The following GPX1 variants were observed in gnomAD, a reference collection of about 807,000 sequenced individuals.
GPX1 encodes GSHPx-1.
In GPX1, 8 loss-of-function variants were observed where a neutral mutation model predicts 11.5. That is an observed-to-expected ratio of 0.70 (90% CI 0.41 to 1.25). The LOEUF (loss-of-function observed/expected upper bound fraction) is 1.25, where lower values mean the gene tolerates loss of function less well. Ranked by LOEUF, GPX1 falls within the 50% of genes most tolerant of loss-of-function variation. GPX1 has a pLI of 0.01. For synonymous variants in GPX1, 142 were observed against 127.8 expected (o/e 1.11, Z -0.75); for missense variants, 266 against 284.3 (o/e 0.94, Z 0.46).
At position 49,358,252 on chromosome 3, in the gene GPX1, C is replaced by T. The variant is rs1559490267; in HGVS notation, c.27G>A (p.Ala9=). 3 of 1,541,402 alleles carry T rather than the reference C, an allele frequency of 1.9e-6. No individual in the cohort carries two copies. The highest frequency in any genetic ancestry group is 2.6e-6 in the Non-Finnish European group (3 of 1,143,250). Residue 9 remains alanine (A), a synonymous_variant, in exon 1 of 2, where the codon GCG becomes GCA. Transcript: ENST00000419783. ...CATACACCGACTGGGCCGCCGCCGCCGCCGCCGCTAGCCGAGCAGCACACA... is the reference window on the plus strand; with the variant it reads ...CATACACCGACTGGGCCGCCGCCGCTGCCGCCGCTAGCCGAGCAGCACACA... The part of the protein sequence containing the change: MCAARLAA[A]AAAAQSVYAF...
rs2047868839 is a variant in GPX1, at chr3:49,357,773, CCCG to C, written c.253-29_253-27del. ...CTACAGGAGAGAAGGGCAGCTAGAA[CCCG>C]GGGTCAAGAGGAGGAGAGAAACGTT... On this transcript the variant is annotated intron_variant, in intron 1 of 1. Coordinates refer to ENST00000419783, the MANE Select transcript of GPX1 (RefSeq NM_000581.4). 4.4e-6 allele frequency: 7 copies of C among 1,586,376 alleles called. No homozygotes were observed. In the Admixed American group the frequency reaches 1.2e-4, roughly 28 times the overall value.
chr3:49,357,970 C>CACCCACCAGCACACCGCCG, intron 1 of GPX1, 57 bp downstream of exon 1: 1 of 1,542,798 alleles, frequency 6.5e-7, no homozygotes, highest in Non-Finnish European at 8.7e-7. Context: ...ACACCGCCGG[C>CACCCACCAGCACACCGCCG]GCCCCCAGCC....
rs1413628671 is a variant in GPX1 at position 49,357,526 on chromosome 3, G to T, written c.474C>A (p.Asn158Lys). ...KLITWSPVCR[N>K]DVAWNFEKFL... ...ACTTCTCAAAGTTCCAGGCAACATC[G>T]TTGCGACACACCGGAGACCAGGTGA... is the stretch of plus-strand genomic sequence containing the variant. Residue 158 changes from asparagine (N) to lysine (K), a missense_variant, in exon 2 of 2, where the codon AAC becomes AAA. Transcript: ENST00000419783. 1 of 1,613,578 alleles carries T rather than the reference G, an allele frequency of 6.2e-7. No homozygotes were observed. The highest frequency in any genetic ancestry group is 1.1e-5 in the South Asian group (1 of 91,048).
In GPX1 at chr3:49,357,401, G is replaced by A. The variant is rs1050450; in HGVS notation, c.599C>T (p.Pro200Leu). Reference sequence around the variant, plus strand: ...AGGAGGGGCGCCCTAGGCACAGCTGGGCCCTTGAGACAGCAGGGCTTCGAT... The same window carrying A: ...AGGAGGGGCGCCCTAGGCACAGCTGAGCCCTTGAGACAGCAGGGCTTCGAT... ...PDIEALLSQGPSCA is the reference protein window; with the variant it reads ...PDIEALLSQGLSCA Residue 200 changes from proline (P) to leucine (L), a missense_variant, in exon 2 of 2, where the codon CCC becomes CTC. By Grantham distance (98) the Pro-to-Leu change is moderately conservative (BLOSUM62 -3). Coordinates refer to ENST00000419783, the MANE Select transcript of GPX1 (RefSeq NM_000581.4). The A allele has an allele frequency of 0.3, 481,585 of 1,607,594 alleles. 76,163 individuals are homozygous for A. The highest frequency in any genetic ancestry group is 0.32 in the Middle Eastern group (1,850 of 5,806).
chr3:49,357,718 AT>A lies in GPX1; in HGVS notation c.281del (p.Asn94IlefsTer?). 1 of 1,609,656 alleles carries A rather than the reference AT, an allele frequency of 6.2e-7. No homozygotes were observed. Among genetic ancestry groups the A allele is most frequent in the Non-Finnish European group, 8.5e-7 (1 of 1,176,934 alleles). On this transcript the variant is annotated frameshift_variant, in exon 2 of 2. Coordinates refer to ENST00000419783, the MANE Select transcript of GPX1 (RefSeq NM_000581.4). LOFTEE classifies it high-confidence loss of function. ...CACCAGGCCGGACGTACTTGAGGGAATTCAGAATCTCTTCGTTCTTGGCGTT... is the reference window on the plus strand; with the variant it reads ...CACCAGGCCGGACGTACTTGAGGGAATCAGAATCTCTTCGTTCTTGGCGTT... ...QENAKNEEILNSLKYVRPGGG... is the reference protein window; with the variant it reads ...QENAKNEEILXSLKYVRPGGG...
rs536461141 is a variant in GPX1 at position 49,357,685 on chromosome 3, G to A, written c.315C>T (p.Phe105=). 1.2e-5 allele frequency: 20 copies of A among 1,612,982 alleles called. 1 individual carries two copies. The South Asian group carries it at 2.2e-4, about 18-fold the overall frequency. The part of the protein sequence containing the change: ...SLKYVRPGGG[F]EPNFMLFEKC... ...TCTCGAAGAGCATGAAGTTGGGCTC[G>A]AACCCACCACCAGGCCGGACGTACT... The change falls in exon 2 of 2, where the codon TTC becomes TTT. Residue 105 remains phenylalanine (F), a synonymous_variant. Coordinates refer to ENST00000419783, the MANE Select transcript of GPX1 (RefSeq NM_000581.4).
intron 1 of GPX1, 47 bp from the exon 2 acceptor site, chr3:49,357,794 G>A (rs777132027): frequency 3.8e-6 from 6 of 1,566,706 alleles, no homozygotes; most frequent in Middle Eastern, 1.7e-4. Context: ...GAGGAGGAGA[G>A]AAACGTTCTA....
Position 49,358,240 on chromosome 3 carries a change from G to A in GPX1, c.39C>T (p.Ala13=), listed in dbSNP as rs1326000268. 1.4e-5 allele frequency: 22 copies of A among 1,535,984 alleles called. No homozygotes were observed. The highest frequency in any genetic ancestry group is 1.8e-5 in the Non-Finnish European group (20 of 1,140,982). ...GCGCCGAGAAGGCATACACCGACTGGGCCGCCGCCGCCGCCGCCGCTAGCC... is the reference window on the plus strand; with the variant it reads ...GCGCCGAGAAGGCATACACCGACTGAGCCGCCGCCGCCGCCGCCGCTAGCC... The part of the protein sequence containing the change: ...AARLAAAAAA[A]QSVYAFSARP... Residue 13 remains alanine, a synonymous_variant, in exon 1 of 2, where the codon GCC becomes GCT. Transcript: ENST00000419783.
chr3:49,357,802 C>G (rs1206291443), intron 1 of GPX1, 55 bp from the exon 2 acceptor site: 8 of 1,555,504 alleles, frequency 5.1e-6, no homozygotes, highest in South Asian at 2.4e-5. Context: ...GAGAAACGTT[C>G]TAACCACAAA....
chr3:49,357,820 G>C lies in GPX1; in HGVS notation c.253-73C>G. ...AAACGTTCTAACCACAAACAAGGGA[G>C]ATTTTCTATGAGTCACCGGGATTTT... is the stretch of plus-strand genomic sequence containing the variant. On this transcript the variant is annotated intron_variant, in intron 1 of 1. Transcript: ENST00000419783. 1.5e-5 allele frequency: 23 copies of C among 1,536,696 alleles called. 1 individual carries two copies. Among genetic ancestry groups the C allele is most frequent in the Non-Finnish European group, 1.9e-5 (22 of 1,141,924 alleles).
intron 1 of GPX1, 34 bp downstream of exon 1, chr3:49,357,993 C>T: frequency 1.3e-6 from 2 of 1,583,978 alleles, no homozygotes; most frequent in East Asian, 2.3e-5. Context: ...TACTGCACGT[C>T]CGCCCCCGCC....
chr3:49,358,043 T>C lies in GPX1; in HGVS notation c.236A>G (p.Asn79Ser), dbSNP rs771135780. The change falls in exon 1 of 2, where the codon AAC becomes AGC. Residue 79 changes from asparagine (N) to serine (S), a missense_variant. Transcript: ENST00000419783. Reference sequence around the variant, plus strand: ...CCGGCGCACCTGATGCCCAAACTGGTTGCACGGGAAGCCGAGCACCACCAG... The same window carrying C: ...CCGGCGCACCTGATGCCCAAACTGGCTGCACGGGAAGCCGAGCACCACCAG... Reference protein sequence around the residue: ...RGLVVLGFPCNQFGHQENAKN... With the variant: ...RGLVVLGFPCSQFGHQENAKN... 34 of 1,609,220 alleles carry C rather than the reference T, an allele frequency of 2.1e-5. No homozygotes were observed. Among genetic ancestry groups the C allele is most frequent in the Admixed American group, 1.2e-4 (7 of 59,782 alleles).
At position 49,358,299 on chromosome 3, in the gene GPX1, C is replaced by T. The variant is rs896238377; in HGVS notation, c.-21G>A. 17 of 1,529,490 alleles carry T rather than the reference C, an allele frequency of 1.1e-5. 1 individual carries two copies. In the African/African-American group the frequency reaches 1.7e-4, roughly 15 times the overall value. The allele number at this position is 1,529,490 out of a possible 1,614,324, so 94.7% of individuals were successfully genotyped here. A position where few individuals can be genotyped will look rare whatever the true frequency, so the allele number is the denominator to read the frequency against. ...CACATGGCGCAATTGTCCAAGAAGC[C>T]AGCGGAGCGCCCCGAACAAGCACTG... On this transcript the variant is annotated 5_prime_UTR_variant, in exon 1 of 2. Transcript: ENST00000419783.
chr3:49,357,914 A>C, intron 1 of GPX1, 113 bp downstream of exon 1: 2 of 1,497,074 alleles, frequency 1.3e-6, no homozygotes, highest in Non-Finnish European at 8.9e-7. Flanking sequence ...AGGAAACGAG[A>C]GAGTAGCCAG....
rs1162010337 is a variant in GPX1 at position 49,357,732 on chromosome 3, C to T, written c.268G>A (p.Glu90Lys). 3.1e-6 allele frequency: 5 copies of T among 1,605,856 alleles called. No homozygotes were observed. Among genetic ancestry groups the T allele is most frequent in the Non-Finnish European group, 4.3e-6 (5 of 1,173,956 alleles). ...QFGHQENAKN[E>K]EILNSLKYVR... ...TACTTGAGGGAATTCAGAATCTCTT[C>T]GTTCTTGGCGTTCTCCTACAGGAGA... The change falls in exon 2 of 2, where the codon GAA (glutamate) becomes AAA (lysine). Residue 90 changes from glutamate (E) to lysine (K), a missense_variant. By Grantham distance (56) the Glu-to-Lys change is moderately conservative (BLOSUM62 1). Transcript: ENST00000419783.
At position 49,357,360 on chromosome 3, in the gene GPX1, G is replaced by T; in HGVS notation, c.*28C>A. 6.9e-6 allele frequency: 11 copies of T among 1,586,378 alleles called. No homozygotes were observed. The highest frequency in any genetic ancestry group is 8.6e-6 in the Non-Finnish European group (10 of 1,160,332). ...CCCCCGAGACAGCAGCACTGCAACT[G>T]CCAAGCAGCCGGGGTAGGAGGGGCG... On this transcript the variant is annotated 3_prime_UTR_variant, in exon 2 of 2. Coordinates refer to ENST00000419783, the MANE Select transcript of GPX1 (RefSeq NM_000581.4).
rs1271952609 is a variant in GPX1, at chr3:49,357,925, ACT to A, written c.252+100_252+101del. The A allele has an allele frequency of 3.3e-6, 5 of 1,498,596 alleles. No individual in the cohort carries two copies. The African/African-American group carries it at 7.2e-5, about 22-fold the overall frequency. The allele number at this position is 1,498,596 out of a possible 1,614,324, so 92.8% of individuals were successfully genotyped here. A position where few individuals can be genotyped will look rare whatever the true frequency, so the allele number is the denominator to read the frequency against. On this transcript the variant is annotated intron_variant, in intron 1 of 1. Coordinates refer to ENST00000419783, the MANE Select transcript of GPX1 (RefSeq NM_000581.4). Reference sequence around the variant, plus strand: ...AGAAAGGAAACGAGAGAGTAGCCAGACTCTCCGCGCATGGAGCCGACGGCACC... The same window carrying A: ...AGAAAGGAAACGAGAGAGTAGCCAGACTCCGCGCATGGAGCCGACGGCACC...
rs1332069981 is a variant in GPX1 at position 49,358,260 on chromosome 3, C to A, written c.19G>T (p.Ala7Ser). Residue 7 changes from alanine (A) to serine (S), a missense_variant, in exon 1 of 2, where the codon GCG becomes TCG. Coordinates refer to ENST00000419783, the MANE Select transcript of GPX1 (RefSeq NM_000581.4). ...GACTGGGCCGCCGCCGCCGCCGCCG[C>A]TAGCCGAGCAGCACACATGGCGCAA... MCAARLAAAAAAAQSVY... is the reference protein window; with the variant it reads MCAARLSAAAAAAQSVY... 4 of 1,524,892 alleles carry A rather than the reference C, an allele frequency of 2.6e-6. No individual in the cohort carries two copies. The Admixed American group carries it at 6.2e-5, about 23-fold the overall frequency. The allele number at this position is 1,524,892 out of a possible 1,614,324, so 94.5% of individuals were successfully genotyped here. A position where few individuals can be genotyped will look rare whatever the true frequency, so the allele number is the denominator to read the frequency against.
At chr3:49,357,985 C>T in intron 1 of GPX1, 42 bp downstream of exon 1, 1 of 1,533,418 alleles carries the variant, frequency 6.5e-7, no homozygotes, top group East Asian at 2.3e-5. Flanking sequence ...CCAGCCACTA[C>T]TGCACGTCCG....
Sources: allele counts gnomAD v4.1 joint callset, GRCh38; gene constraint gnomAD v4.1.1; transcripts MANE v1.5; gene names NCBI Gene and HGNC (gene_info 2026-07-23, HGNC 2026-07-21).